The following CCDC88C variants were observed in gnomAD, a reference collection of about 807,000 sequenced individuals.
CCDC88C encodes coiled-coil and HOOK domain protein 88C.
In CCDC88C, 131 loss-of-function variants were observed where a neutral mutation model predicts 198.8. That is an observed-to-expected ratio of 0.66 (90% CI 0.57 to 0.76). The LOEUF (loss-of-function observed/expected upper bound fraction) is 0.76, where lower values mean the gene tolerates loss of function less well. Among genes scored for constraint, CCDC88C ranks in the 30% least tolerant of loss-of-function variants. The probability of loss-of-function intolerance (pLI) is 0.00; values close to 1 mark genes in which losing one functional copy is unlikely to be tolerated. For missense variants in CCDC88C, 2,553 were observed against 2,631.6 expected, an observed-to-expected ratio of 0.97 and a Z score of 0.65; for synonymous variants, 1,166 against 1,114.7, an observed-to-expected ratio of 1.05 and a Z score of -0.92.
chr14:91,401,552 G>T (rs1329523425), intron 3 of CCDC88C, among the ~76,000 whole-genome samples: 6 of 151,654 alleles, frequency 4.0e-5, no homozygotes, highest in Non-Finnish European at 8.8e-5. Context: ...AGCCAGGATG[G>T]TCTCTATCTC....
chr14:91,282,558 G>C (rs1330663834), intron 26 of CCDC88C, among the ~76,000 whole-genome samples: 1 of 152,104 alleles, frequency 6.6e-6, no homozygotes, highest in South Asian at 2.1e-4. Flanking sequence ...TCTGATTTGA[G>C]TGTCACCCGG....
chr14:91,361,037 G>A (rs754606226), intron 3 of CCDC88C, among the ~76,000 whole-genome samples: 15 of 151,736 alleles, frequency 9.9e-5, no homozygotes, highest in Admixed American at 2.6e-4. Context: ...CCAGCTACTC[G>A]GGAGGATTGC....
At chr14:91,379,611 C>G (rs535439939) in intron 3 of CCDC88C, 1 of 569,676 alleles carries the variant, frequency 1.8e-6, no homozygotes, top group African/African-American at 1.9e-5. Context: ...GGGACGCTGA[C>G]GGTGCCTCCT....
At chr14:91,373,895 C>T (rs1737651423) in intron 3 of CCDC88C, among the ~76,000 whole-genome samples, 1 of 152,232 alleles carries the variant, frequency 6.6e-6, no homozygotes, top group Admixed American at 6.5e-5. Context: ...CCACACTTGC[C>T]TCCAATGCCT....
chr14:91,313,787 T>G lies in CCDC88C; in HGVS notation c.2029A>C (p.Thr677Pro), dbSNP rs987865675. Residue 677 changes from threonine to proline, a missense_variant, in exon 15 of 30, where the codon ACT becomes CCT. Physicochemically the swap from Thr to Pro is conservative, Grantham distance 38. This residue lies in a region of CCDC88C where 1,260 missense variants were observed against 1,412.0 expected (regional missense o/e 0.89). Coordinates refer to ENST00000389857, the MANE Select transcript of CCDC88C (RefSeq NM_001080414.4). This position sits in a 1 kb window ranked among gnomAD's most constrained non-coding sequence, Gnocchi z 5.2. Reference protein sequence around the residue: ...ESQGLQLENRTLRKSLDTLQN... With the variant: ...ESQGLQLENRPLRKSLDTLQN... ...AAGGTGTCCAGAGACTTCCTCAGAG[T>G]CCGGTTCTCCAGCTGCAGGCCCTGG... 1.9e-6 allele frequency: 3 copies of G among 1,605,106 alleles called. No individual in the cohort carries two copies. The highest frequency in any genetic ancestry group is 2.5e-6 in the Non-Finnish European group (3 of 1,178,890).
At position 91,271,972 on chromosome 14, in the gene CCDC88C, AGGAGCCAGCT is replaced by A. The variant is rs1889753519; in HGVS notation, c.*643_*652del. 1 of 152,812 alleles carries A rather than the reference AGGAGCCAGCT, an allele frequency of 6.5e-6. No homozygotes were observed. Among genetic ancestry groups the A allele is most frequent in the Admixed American group, 6.5e-5 (1 of 15,290 alleles). 9.5% of individuals were successfully genotyped at this position (152,812 alleles called of 1,614,324 possible). A position where few individuals can be genotyped will look rare whatever the true frequency, so the allele number is the denominator to read the frequency against. On this transcript the variant is annotated 3_prime_UTR_variant, in exon 30 of 30. Transcript: ENST00000389857. ...CCCCAAACCCCCTGGTGCAGAGCTC[AGGAGCCAGCT>A]GGAGGCTGGGGGCAAATGGCCAAGG... is the stretch of plus-strand genomic sequence containing the variant.
intron 18 of CCDC88C, among the ~76,000 whole-genome samples, chr14:91,306,567 G>A (rs1891563142): frequency 6.6e-6 from 1 of 152,158 alleles, no homozygotes; most frequent in South Asian, 2.1e-4. Context: ...AAAGTCAGAG[G>A]CACGGACATG....
In CCDC88C at chr14:91,313,937, C is replaced by T; in HGVS notation, c.1879G>A (p.Gly627Arg). 5 of 1,613,422 alleles carry T rather than the reference C, an allele frequency of 3.1e-6. No individual in the cohort carries two copies. The highest frequency in any genetic ancestry group is 4.2e-6 in the Non-Finnish European group (5 of 1,179,870). Residue 627 changes from glycine (G) to arginine (R), a missense_variant, in exon 15 of 30, where the codon GGG (glycine) becomes AGG (arginine). By Grantham distance (125) the Gly-to-Arg change is moderately radical. This residue lies in a region of CCDC88C where 1,260 missense variants were observed against 1,412.0 expected (regional missense o/e 0.89). Coordinates refer to ENST00000389857, the MANE Select transcript of CCDC88C (RefSeq NM_001080414.4). This position sits in a 1 kb window ranked among gnomAD's most constrained non-coding sequence, Gnocchi z 5.2. ...CTCTCCAGCTTCTCTGCCCGCTCCC[C>T]CTTCTCCTTGGCCTGCTCCAAGTCC... ...HRDLEQAKEK[G>R]ERAEKLEREL... is the part of the protein sequence containing the mutation.
At chr14:91,360,430 T>G (rs1894259931) in intron 3 of CCDC88C, among the ~76,000 whole-genome samples, 1 of 152,048 alleles carries the variant, frequency 6.6e-6, no homozygotes, top group African/African-American at 2.4e-5. Flanking sequence ...GGGGAACAGA[T>G]GGAGATCCTG....
In CCDC88C at chr14:91,381,884, C is replaced by T. The variant is rs1884814037; in HGVS notation, c.271-22173G>A. Among the ~76,000 whole-genome samples, 1 of 152,140 alleles carries T rather than the reference C, an allele frequency of 6.6e-6. No homozygotes were observed. Among genetic ancestry groups the T allele is most frequent in the Non-Finnish European group, 1.5e-5 (1 of 68,022 alleles). Reference sequence around the variant, plus strand: ...GCGAGACTCAGCTCACTCCTCTCTCCAGTCCGAGCCCACCTCCCTGCCTCC... The same window carrying T: ...GCGAGACTCAGCTCACTCCTCTCTCTAGTCCGAGCCCACCTCCCTGCCTCC... On this transcript the variant is annotated intron_variant, in intron 3 of 29. Transcript: ENST00000389857. This position sits in a 1 kb window ranked among gnomAD's most constrained non-coding sequence, Gnocchi z 4.2.
intron 21 of CCDC88C, among the ~76,000 whole-genome samples, chr14:91,298,771 T>A (rs556835501): frequency 4.9e-4 from 75 of 152,262 alleles, no homozygotes; most frequent in Middle Eastern, 3.4e-3. Flanking sequence ...TTTATTTGCC[T>A]GGGGAGCCAA....
At position 91,273,010 on chromosome 14, in the gene CCDC88C, T is replaced by C. The variant is rs1467358066; in HGVS notation, c.5702A>G (p.Gln1901Arg). 2 of 1,554,018 alleles carry C rather than the reference T, an allele frequency of 1.3e-6. No individual in the cohort carries two copies. The highest frequency in any genetic ancestry group is 3.8e-5 in the Admixed American group (2 of 52,816). ...GGCAATGGCGGGGGCTGTGGCAGAC[T>C]GATGCAGGGGGGCCAGCCTCTCCTC... The part of the protein sequence containing the change: ...PKEERLAPLH[Q>R]SATAPAIATA... The change falls in exon 30 of 30, where the codon CAG becomes CGG. Residue 1901 changes from glutamine (Q) to arginine (R), a missense_variant. By Grantham distance (43) the Gln-to-Arg change is conservative. Coordinates refer to ENST00000389857, the MANE Select transcript of CCDC88C (RefSeq NM_001080414.4). The surrounding 1 kb of genome is among the most constrained non-coding windows in gnomAD (Gnocchi z 5.6).
rs187510575 is a variant in CCDC88C, at chr14:91,306,024, T to C, written c.3196-98A>G. The C allele has an allele frequency of 3.1e-6, 4 of 1,284,580 alleles. No individual in the cohort carries two copies. The African/African-American group carries it at 5.9e-5, about 19-fold the overall frequency. 79.6% of individuals were successfully genotyped at this position (1,284,580 alleles called of 1,614,324 possible). ...TGTAACGAACCCTCAAAAGTTGATGTTTTGGGGGCCAAATCGAGGGTCCGC... is the reference window on the plus strand; with the variant it reads ...TGTAACGAACCCTCAAAAGTTGATGCTTTGGGGGCCAAATCGAGGGTCCGC... On this transcript the variant is annotated intron_variant, in intron 18 of 29. Coordinates refer to ENST00000389857, the MANE Select transcript of CCDC88C (RefSeq NM_001080414.4).
intron 3 of CCDC88C, chr14:91,384,685 C>G: frequency 5.5e-6 from 2 of 363,508 alleles, no homozygotes; most frequent in Non-Finnish European, 1.1e-5. Context: ...CGCCCATCAG[C>G]TGCTCTCTCC....
At chr14:91,276,921 A>G (rs751095619) in intron 29 of CCDC88C, among the ~76,000 whole-genome samples, 9 of 152,238 alleles carry the variant, frequency 5.9e-5, no homozygotes, top group Non-Finnish European at 1.0e-4. Flanking sequence ...AAATCCAGCT[A>G]GCCGCCTGTT....
chr14:91,378,085 C>T (rs1884560596), intron 3 of CCDC88C, among the ~76,000 whole-genome samples: 2 of 152,302 alleles, frequency 1.3e-5, no homozygotes, highest in South Asian at 4.1e-4. Flanking sequence ...GTGGAGATTA[C>T]CAGCTCATTA....
At chr14:91,405,465 G>A (rs950857678) in intron 3 of CCDC88C, among the ~76,000 whole-genome samples, 14 of 152,140 alleles carry the variant, frequency 9.2e-5, no homozygotes, top group Non-Finnish European at 1.8e-4. Flanking sequence ...AGAAGAGGCC[G>A]GGCGGCAGCT....
intron 3 of CCDC88C, chr14:91,379,037 T>G (rs148882789): frequency 2.6e-5 from 4 of 152,312 alleles, no homozygotes; most frequent in Admixed American, 2.6e-4. Context: ...GATGTGGAAC[T>G]TTAGGCTTTA....
At chr14:91,387,815 G>A (rs925530973) in intron 3 of CCDC88C, among the ~76,000 whole-genome samples, 2 of 152,216 alleles carry the variant, frequency 1.3e-5, no homozygotes, top group African/African-American at 4.8e-5. Context: ...ACCACTTAAT[G>A]GCCCATGTTT....
Sources: allele counts gnomAD v4.1 joint callset (sites outside exome capture counted in the v4.1 genomes callset), GRCh38; gene constraint gnomAD v4.1.1; regional missense constraint gnomAD v4.1.1; non-coding constraint Gnocchi (gnomAD v3.1); transcripts MANE v1.5; gene names NCBI Gene and HGNC (gene_info 2026-07-23, HGNC 2026-07-21).